Variants in FCGR3A observed in about 807,000 individuals in gnomAD.
FCGR3A encodes the protein low affinity immunoglobulin gamma Fc region receptor III-A.
A neutral mutation model predicts 24.1 loss-of-function variants in FCGR3A; 13 were observed. The observed-to-expected ratio is 0.54, with a 90% CI of 0.35 to 0.86. The LOEUF is 0.86. Among genes scored for constraint, FCGR3A ranks in the 40% least tolerant of loss-of-function variants. The pLI is 0.01. For synonymous variants in FCGR3A, 93 were observed against 112.2 expected (o/e 0.83, Z 1.08); for missense variants, 235 against 298.0 (o/e 0.79, Z 1.56).
At position 161,542,020 on chromosome 1, in the gene FCGR3A, T is replaced by C. The variant is rs1024107664; in HGVS notation, c.*992A>G. On this transcript the variant is annotated 3_prime_UTR_variant, in exon 5 of 5. Transcript: ENST00000443193. ...TACATTTAGTATTGGTTATACAACA[T>C]TTGTTTAATAAATGCAATGAACAAA... 1 of 152,240 alleles carries C rather than the reference T, an allele frequency of 6.6e-6. No individual in the cohort carries two copies. The highest frequency in any genetic ancestry group is 2.4e-5 in the African/African-American group (1 of 41,414). 9.4% of individuals were successfully genotyped at this position (152,240 alleles called of 1,614,324 possible). A position where few individuals can be genotyped will look rare whatever the true frequency, so the allele number is the denominator to read the frequency against.
rs1389016667 is a variant in FCGR3A at position 161,542,929 on chromosome 1, C to G, written c.*83G>C. The G allele has an allele frequency of 2.8e-6, 3 of 1,064,262 alleles. No homozygotes were observed. In the East Asian group the frequency reaches 7.2e-5, roughly 25 times the overall value. 65.9% of individuals were successfully genotyped at this position (1,064,262 alleles called of 1,614,324 possible). ...ATGTTTCCTGCTGCTTGTAGAGAGG[C>G]CTGAGGATGATGGGGTTGCAAATCC... On this transcript the variant is annotated 3_prime_UTR_variant, in exon 5 of 5. Coordinates refer to ENST00000443193, the MANE Select transcript of FCGR3A (RefSeq NM_000569.8).
rs775554755 is a variant in FCGR3A, at chr1:161,549,060, G to A, written c.41-29C>T. ...CAAGAAAAAAGATAAATCAAATATTGAGTAGGGGCAGAGATCAGAGTGATT... is the reference window on the plus strand; with the variant it reads ...CAAGAAAAAAGATAAATCAAATATTAAGTAGGGGCAGAGATCAGAGTGATT... On this transcript the variant is annotated intron_variant, in intron 1 of 4. Coordinates refer to ENST00000443193, the MANE Select transcript of FCGR3A (RefSeq NM_000569.8). 6 of 1,574,030 alleles carry A rather than the reference G, an allele frequency of 3.8e-6. No individual in the cohort carries two copies. In the Admixed American group the frequency reaches 6.9e-5, roughly 18 times the overall value.
chr1:161,543,704 G>A (rs1297413300), intron 4 of FCGR3A, among the ~76,000 whole-genome samples: 1 of 152,206 alleles, frequency 6.6e-6, no homozygotes, highest in Non-Finnish European at 1.5e-5. Context: ...AACCACTTGG[G>A]AGTATTTACT....
chr1:161,547,687 G>A (rs1281900508), intron 3 of FCGR3A, among the ~76,000 whole-genome samples: 1 of 152,356 alleles, frequency 6.6e-6, no homozygotes, highest in East Asian at 1.9e-4. Context: ...TAGGCCACTA[G>A]GATTGCTTTG....
chr1:161,550,292 A>G (rs1677699810), upstream of FCGR3A, among the ~76,000 whole-genome samples: 1 of 152,214 alleles, frequency 6.6e-6, no homozygotes, highest in Non-Finnish European at 1.5e-5. Flanking sequence ...CTCTGCCTCA[A>G]TATTATCTCC....
upstream of FCGR3A, chr1:161,549,858 C>T: frequency 6.2e-7 from 1 of 1,611,800 alleles, no homozygotes; most frequent in Non-Finnish European, 8.5e-7. Context: ...TGTCACCCAC[C>T]AATTTCCTTT....
upstream of FCGR3A, chr1:161,550,111 T>C (rs60966737): frequency 6.0e-5 from 32 of 536,364 alleles, no homozygotes; most frequent in South Asian, 1.4e-4. Context: ...AATGGGACAG[T>C]GAGACCCTGG....
chr1:161,548,131 G>T (rs1303590859), intron 3 of FCGR3A, among the ~76,000 whole-genome samples: 3 of 152,408 alleles, frequency 2.0e-5, no homozygotes, highest in Non-Finnish European at 4.4e-5. Flanking sequence ...GAGCATCTAT[G>T]CCATGGCCTA....
At chr1:161,545,317 T>A (rs1341756145) in intron 3 of FCGR3A, 1 of 270,110 alleles carries the variant, frequency 3.7e-6, no homozygotes, top group African/African-American at 2.2e-5. Context: ...AAGTTCTAGA[T>A]CAGAGTAAAA....
chr1:161,545,320 G>C, intron 3 of FCGR3A: 1 of 257,840 alleles, frequency 3.9e-6, no homozygotes, highest in Non-Finnish European at 7.4e-6. Context: ...TTCTAGATCA[G>C]AGTAAAAATT....
chr1:161,544,646 T>C, intron 4 of FCGR3A, 55 bp downstream of exon 4: 1 of 1,587,388 alleles, frequency 6.3e-7, no homozygotes, highest in Non-Finnish European at 8.6e-7. Flanking sequence ...CCCAGTGTGA[T>C]TGCAGGTTCC....
At chr1:161,546,093 A>G (rs945018101) in intron 3 of FCGR3A, among the ~76,000 whole-genome samples, 2 of 152,228 alleles carry the variant, frequency 1.3e-5, no homozygotes, top group South Asian at 2.1e-4. Flanking sequence ...TTGAATTACT[A>G]TAATTTAAAA....
chr1:161,543,107 C>G lies in FCGR3A; in HGVS notation c.670G>C (p.Gly224Arg). 6.2e-7 allele frequency: 1 copy of G among 1,613,350 alleles called. No homozygotes were observed. The highest frequency in any genetic ancestry group is 8.5e-7 in the Non-Finnish European group (1 of 1,179,614). The change falls in exon 5 of 5, where the codon GGA becomes CGA. Residue 224 changes from glycine (G) to arginine (R), a missense_variant. Physicochemically the swap from Gly to Arg is moderately radical, Grantham distance 125. Transcript: ENST00000443193. ...VMVLLFAVDTGLYFSVKTNIR... is the reference protein window; with the variant it reads ...VMVLLFAVDTRLYFSVKTNIR... ...TTTGTCTTCACAGAGAAATATAGTC[C>G]TGTGTCCACTGCAAAAAGGAGTACC...
intron 4 of FCGR3A, 96 bp from the exon 5 acceptor site, chr1:161,543,295 C>T (rs1310142743): frequency 7.1e-7 from 1 of 1,415,760 alleles, no homozygotes; most frequent in Non-Finnish European, 9.7e-7. Flanking sequence ...TCTTTGACAA[C>T]AGCCAACAGG....
At chr1:161,548,053 A>G (rs1202740923) in intron 3 of FCGR3A, among the ~76,000 whole-genome samples, 2 of 152,294 alleles carry the variant, frequency 1.3e-5, no homozygotes, top group Non-Finnish European at 2.9e-5. Flanking sequence ...CCTGGGTGAC[A>G]GAGTGATACT....
chr1:161,546,870 A>G (rs1170685287), intron 3 of FCGR3A, among the ~76,000 whole-genome samples: 1 of 151,966 alleles, frequency 6.6e-6, no homozygotes, highest in Non-Finnish European at 1.5e-5. Flanking sequence ...GCGCCACTGC[A>G]CTCCAGCTTG....
intron 2 of FCGR3A, among the ~76,000 whole-genome samples, 155 bp from the exon 3 acceptor site, chr1:161,548,833 G>C (rs12066878): frequency 6.6e-6 from 1 of 151,658 alleles, no homozygotes; most frequent in East Asian, 1.9e-4. Flanking sequence ...GGCCTGTTCA[G>C]TATCTTAAGG....
At chr1:161,544,578 G>A in intron 4 of FCGR3A, 123 bp downstream of exon 4, 1 of 1,049,732 alleles carries the variant, frequency 9.5e-7, no homozygotes, top group Non-Finnish European at 1.4e-6. Context: ...ATCACCAGGA[G>A]GGAACCACAT....
intron 3 of FCGR3A, chr1:161,545,665 A>G (rs1243401902): frequency 2.0e-5 from 3 of 152,064 alleles, no homozygotes; most frequent in Middle Eastern, 3.4e-3. Context: ...TTTACTGAGC[A>G]TGGCCTTCAA....
Sources: gnomAD v4.1 joint callset for allele counts (sites outside exome capture counted in the v4.1 genomes callset) on GRCh38, gnomAD v4.1.1 for gene constraint, MANE v1.5 for transcripts, NCBI Gene and HGNC (gene_info 2026-07-23, HGNC 2026-07-21) for gene names.